The following PPFIA2 variants were observed in gnomAD, a reference collection of about 807,000 sequenced individuals.
PPFIA2 encodes PPFI scaffold protein A2.
In PPFIA2, 46 loss-of-function variants were observed where a neutral mutation model predicts 175.5. That is an observed-to-expected ratio of 0.26 (90% CI 0.21 to 0.34). The LOEUF is 0.34. Ranked by LOEUF, PPFIA2 falls within the 10% of genes least tolerant of loss-of-function variation. PPFIA2 has a pLI of 1.00. For synonymous variants in PPFIA2, 568 were observed against 511.4 expected, an observed-to-expected ratio of 1.11 and a Z score of -1.49; for missense variants, 1,179 against 1,506.1, an observed-to-expected ratio of 0.78 and a Z score of 3.60.
chr12:81,448,793 T>C (rs1392932561), intron 5 of PPFIA2, among the ~76,000 whole-genome samples: 2 of 152,244 alleles, frequency 1.3e-5, no homozygotes. Context: ...CGCTTTCATA[T>C]TTTAACTCAA....
At chr12:81,527,043 T>C (rs2063811510) in intron 4 of PPFIA2, among the ~76,000 whole-genome samples, 1 of 152,168 alleles carries the variant, frequency 6.6e-6, no homozygotes, top group Non-Finnish European at 1.5e-5. Flanking sequence ...AAAGTGGTGA[T>C]GGCAAGGAGG....
At chr12:81,446,111 T>C (rs1028262886) in intron 5 of PPFIA2, among the ~76,000 whole-genome samples, 1 of 152,190 alleles carries the variant, frequency 6.6e-6, no homozygotes, top group Non-Finnish European at 1.5e-5. Context: ...TTTATTTCAT[T>C]TACATATGGC....
rs550693713 is a variant in PPFIA2, at chr12:81,472,909, G to A, written c.304-15043C>T. 2.0e-5 allele frequency: 3 copies of A among 152,268 alleles called. No homozygotes were observed. The East Asian group carries it at 5.8e-4, about 29-fold the overall frequency. 9.4% of individuals were successfully genotyped at this position (152,268 alleles called of 1,614,324 possible). A position where few individuals can be genotyped will look rare whatever the true frequency, so the allele number is the denominator to read the frequency against. Reference sequence around the variant, plus strand: ...TCAGATGACTCTGCTTTCTTGGGAAGCACTTTGTAAAATACAATTTTCAAA... The same window carrying A: ...TCAGATGACTCTGCTTTCTTGGGAAACACTTTGTAAAATACAATTTTCAAA... On this transcript the variant is annotated intron_variant, in intron 4 of 32. Coordinates refer to ENST00000549396, the MANE Select transcript of PPFIA2 (RefSeq NM_003625.5).
chr12:81,632,860 C>G (rs2063549697), intron 4 of PPFIA2, among the ~76,000 whole-genome samples: 1 of 152,054 alleles, frequency 6.6e-6, no homozygotes, highest in African/African-American at 2.4e-5. Flanking sequence ...CTGCTGTACT[C>G]TTCTGTTCCC....
intron 4 of PPFIA2, among the ~76,000 whole-genome samples, chr12:81,635,909 A>ATC (rs112608940): frequency 0.047 from 7,027 of 150,278 alleles, 177 homozygotes; most frequent in African/African-American, 0.084. Context: ...GGAAAATGCA[A>ATC]TCTCTCTCTC....
intron 4 of PPFIA2, among the ~76,000 whole-genome samples, chr12:81,622,399 A>G (rs528520667): frequency 1.3e-5 from 2 of 152,308 alleles, no homozygotes; most frequent in South Asian, 2.1e-4. Flanking sequence ...AAATTTTGAC[A>G]TAAGCCTGTG....
intron 28 of PPFIA2, among the ~76,000 whole-genome samples, chr12:81,275,482 A>G (rs540701095): frequency 6.6e-6 from 1 of 152,286 alleles, no homozygotes; most frequent in Non-Finnish European, 1.5e-5. Flanking sequence ...CAAAAATGTA[A>G]ATTATAGAAA....
chr12:81,689,266 C>T lies in PPFIA2; in HGVS notation c.250-12422G>A, dbSNP rs572278558. Among the ~76,000 whole-genome samples the T allele has an allele frequency of 1.6e-4, 24 of 152,078 alleles. 1 individual carries two copies. Among genetic ancestry groups the T allele is most frequent in the African/African-American group, 5.5e-4 (23 of 41,538 alleles). ...CTTTGGGAAAGAAATTCACCAAGTT[C>T]TAAATCATAATAAGTTAATTTCAAA... On this transcript the variant is annotated intron_variant, in intron 3 of 32. Transcript: ENST00000549396.
intron 4 of PPFIA2, among the ~76,000 whole-genome samples, chr12:81,644,030 T>C (rs2065719497): frequency 6.6e-6 from 1 of 151,956 alleles, no homozygotes; most frequent in Non-Finnish European, 1.5e-5. Context: ...CCAACAAAAA[T>C]GTCAAGTTTT....
intron 7 of PPFIA2, among the ~76,000 whole-genome samples, chr12:81,438,297 G>A (rs1442942339): frequency 6.6e-6 from 1 of 152,034 alleles, no homozygotes; most frequent in Admixed American, 6.6e-5. Context: ...GTGAAACCCC[G>A]TCTCTACTAA....
intron 10 of PPFIA2, 196 bp downstream of exon 10, chr12:81,375,600 C>T (rs949328454): frequency 1.6e-6 from 1 of 611,378 alleles, no homozygotes; most frequent in South Asian, 2.0e-5. Flanking sequence ...ATTTGTATTA[C>T]TATTAAGATA....
At chr12:81,738,658 G>A (rs2081944038) in intron 3 of PPFIA2, among the ~76,000 whole-genome samples, 1 of 151,266 alleles carries the variant, frequency 6.6e-6, no homozygotes, top group South Asian at 2.1e-4. Flanking sequence ...TCAAATGGTG[G>A]CATGAAAGGT....
chr12:81,303,259 G>T (rs1288166835), intron 22 of PPFIA2, among the ~76,000 whole-genome samples: 2 of 152,126 alleles, frequency 1.3e-5, no homozygotes, highest in Non-Finnish European at 2.9e-5. Context: ...TTGGCCTGAA[G>T]AATAATTTTA....
At chr12:81,279,243 A>C (rs2041450769) in intron 27 of PPFIA2, 2 of 152,144 alleles carry the variant, frequency 1.3e-5, no homozygotes, top group Admixed American at 6.5e-5. Flanking sequence ...AGCCCAGGAG[A>C]GAGGCCTCAG....
intron 3 of PPFIA2, among the ~76,000 whole-genome samples, chr12:81,701,913 A>T (rs1392224452): frequency 7.3e-6 from 1 of 137,752 alleles, no homozygotes; most frequent in African/African-American, 2.6e-5. Flanking sequence ...TTATGGGAAG[A>T]CTAAAAAAAA....
intron 8 of PPFIA2, among the ~76,000 whole-genome samples, chr12:81,384,945 T>C (rs1411952730): frequency 6.6e-6 from 1 of 152,148 alleles, no homozygotes; most frequent in Non-Finnish European, 1.5e-5. Context: ...TCTAAAAATA[T>C]GTCTTCAGAA....
intron 4 of PPFIA2, among the ~76,000 whole-genome samples, chr12:81,488,820 T>C (rs1043390046): frequency 4.6e-5 from 7 of 151,834 alleles, no homozygotes; most frequent in African/African-American, 1.7e-4. Context: ...CGAGAACACA[T>C]GACTCTGAAG....
chr12:81,361,001 T>TG (rs2029902322), intron 15 of PPFIA2, among the ~76,000 whole-genome samples: 1 of 151,748 alleles, frequency 6.6e-6, no homozygotes, highest in African/African-American at 2.4e-5. Flanking sequence ...AAGCAGCTTG[T>TG]AATTATCTGT....
intron 7 of PPFIA2, among the ~76,000 whole-genome samples, chr12:81,431,688 T>C (rs542223227): frequency 3.3e-5 from 5 of 152,298 alleles, no homozygotes; most frequent in Admixed American, 2.6e-4. Flanking sequence ...TGAAGATTCT[T>C]TTAAATCTAT....
Sources: gnomAD v4.1 joint callset for allele counts (sites outside exome capture counted in the v4.1 genomes callset) on GRCh38, gnomAD v4.1.1 for gene constraint, MANE v1.5 for transcripts, NCBI Gene and HGNC (gene_info 2026-07-23, HGNC 2026-07-21) for gene names.